Variants in GDAP1 observed in about 807,000 individuals in gnomAD.
The protein encoded by GDAP1 is ganglioside-induced differentiation-associated protein 1.
In GDAP1, 34 loss-of-function variants were observed where a neutral mutation model predicts 40.1. The ratio of observed to expected loss-of-function variants is 0.85; its 90% CI spans 0.64 to 1.13. The LOEUF (loss-of-function observed/expected upper bound fraction) is 1.13, where lower values mean the gene tolerates loss of function less well. GDAP1 is among the 50% of genes most tolerant of loss of function. The probability of loss-of-function intolerance (pLI) is 0.00; values close to 1 mark genes in which losing one functional copy is unlikely to be tolerated. For missense variants in GDAP1, 374 were observed against 433.7 expected, an observed-to-expected ratio of 0.86 and a Z score of 1.22; for synonymous variants, 170 against 157.4, an observed-to-expected ratio of 1.08 and a Z score of -0.60.
chr8:74,432,313 A>G (rs1399022167), intron 2 of GDAP1, among the ~76,000 whole-genome samples: 2 of 152,138 alleles, frequency 1.3e-5, no homozygotes, highest in Admixed American at 6.5e-5. Flanking sequence ...AGCTAGTTTG[A>G]GATGTATTTC....
At position 74,404,955 on chromosome 8, in the gene GDAP1, T is replaced by C. The variant is rs921896831; in HGVS notation, c.165+53634T>C. Reference sequence around the variant, plus strand: ...TATCCTCCTGTATACTTCAAATTCCTTCTAGATTACTTATAATACCTAATA... The same window carrying C: ...TATCCTCCTGTATACTTCAAATTCCCTCTAGATTACTTATAATACCTAATA... On this transcript the variant is annotated intron_variant, in intron 2 of 2. Transcript: ENST00000523640. 6.0e-5 allele frequency among the ~76,000 whole-genome samples: 9 copies of C among 150,094 alleles called. 1 individual carries two copies. The highest frequency in any genetic ancestry group is 1.0e-4 in the Non-Finnish European group (7 of 68,044).
At chr8:74,373,765 T>G (rs1454805103) in intron 2 of GDAP1, among the ~76,000 whole-genome samples, 3 of 152,208 alleles carry the variant, frequency 2.0e-5, no homozygotes, top group African/African-American at 7.2e-5. Flanking sequence ...TCCTGCCTGA[T>G]TGCCCTGGCC....
At chr8:74,436,420 CTTT>C (rs11337545) in intron 2 of GDAP1, among the ~76,000 whole-genome samples, 4 of 110,324 alleles carry the variant, frequency 3.6e-5, no homozygotes, top group Admixed American at 9.6e-5. Flanking sequence ...CCATCCCTTC[CTTT>C]TTTTTTTTTT....
At chr8:74,481,412 T>G (rs771367999) in intron 2 of GDAP1, among the ~76,000 whole-genome samples, 19 of 152,238 alleles carry the variant, frequency 1.2e-4, no homozygotes, top group Non-Finnish European at 2.4e-4. Context: ...ATTGTAGTCC[T>G]AAAGTCTGTT....
chr8:74,461,879 G>A (rs1358322338), intron 2 of GDAP1, among the ~76,000 whole-genome samples: 1 of 152,172 alleles, frequency 6.6e-6, no homozygotes, highest in Non-Finnish European at 1.5e-5. Flanking sequence ...ATAAAGCACT[G>A]AAAGATTTGA....
chr8:74,422,348 T>C (rs1018329379), intron 2 of GDAP1, among the ~76,000 whole-genome samples: 1,429 of 37,004 alleles, frequency 0.039, 36 homozygotes, highest in African/African-American at 0.11. Context: ...TTTCTTTCTT[T>C]CTTCCCTTCC....
chr8:74,485,125 G>T (rs1806760465), intron 2 of GDAP1, among the ~76,000 whole-genome samples: 1 of 152,004 alleles, frequency 6.6e-6, no homozygotes, highest in Admixed American at 6.6e-5. Flanking sequence ...TTTCCTTTGG[G>T]TTCCACAGCT....
chr8:74,389,112 A>G (rs1487454166), intron 2 of GDAP1, among the ~76,000 whole-genome samples: 1 of 151,928 alleles, frequency 6.6e-6, no homozygotes, highest in Non-Finnish European at 1.5e-5. Context: ...CAGCACACTG[A>G]TGGGTCTTGA....
At chr8:74,428,856 C>T in intron 2 of GDAP1, among the ~76,000 whole-genome samples, 1 of 140,920 alleles carries the variant, frequency 7.1e-6, no homozygotes, top group African/African-American at 2.7e-5. Context: ...AATGCTATCC[C>T]TCCCCGCCTC....
intron 2 of GDAP1, among the ~76,000 whole-genome samples, chr8:74,470,332 C>G (rs565241039): frequency 1.3e-5 from 2 of 152,238 alleles, no homozygotes; most frequent in Non-Finnish European, 2.9e-5. Context: ...ATACATGTGC[C>G]ATGTTGGTGT....
At position 74,416,922 on chromosome 8, in the gene GDAP1, G is replaced by GT. The variant is rs1379292544; in HGVS notation, c.165+65607dup. ...GAAAAGTTTTTTTTTTTGTTTTTTT[G>GT]TTTTTTGTTTTTTTTTTTTTTAACA... On this transcript the variant is annotated intron_variant, in intron 2 of 2. Transcript: ENST00000523640. Among the ~76,000 whole-genome samples, 335 of 102,156 alleles carry GT rather than the reference G, an allele frequency of 3.3e-3. 6 individuals are homozygous for GT. The highest frequency in any genetic ancestry group is 7.7e-3 in the Admixed American group (69 of 8,912). 67.0% of individuals were successfully genotyped at this position (102,156 alleles called of 152,430 possible). A position where few individuals can be genotyped will look rare whatever the true frequency, so the allele number is the denominator to read the frequency against.
rs1230882974 is a variant in GDAP1 at position 74,366,358 on chromosome 8, CAA to C, written c.*1993_*1994del. 8 of 454,236 alleles carry C rather than the reference CAA, an allele frequency of 1.8e-5. No homozygotes were observed. The East Asian group carries it at 5.6e-4, about 32-fold the overall frequency. 28.1% of individuals were successfully genotyped at this position (454,236 alleles called of 1,614,324 possible). A position where few individuals can be genotyped will look rare whatever the true frequency, so the allele number is the denominator to read the frequency against. ...AGCAACTCTTCTAAAATGTTTCAAG[CAA>C]AGATAGTAATGACCTCAGTTTCTGA... On this transcript the variant is annotated 3_prime_UTR_variant, in exon 6 of 6. Coordinates refer to ENST00000220822, the MANE Select transcript of GDAP1 (RefSeq NM_018972.4).
At chr8:74,471,908 T>C (rs1806561724) in intron 2 of GDAP1, among the ~76,000 whole-genome samples, 1 of 152,190 alleles carries the variant, frequency 6.6e-6, no homozygotes, top group Admixed American at 6.6e-5. Context: ...GTTATAGAGG[T>C]TGTCCATTCA....
Position 74,390,533 on chromosome 8 carries a change from C to A in GDAP1, c.165+39212C>A, listed in dbSNP as rs1197644333. On this transcript the variant is annotated intron_variant, in intron 2 of 2. Coordinates refer to the GDAP1 transcript ENST00000523640. The stretch of plus-strand genomic sequence containing the variant: ...AGGCTGCAGAACAGCAAAGATTGCT[C>A]CCTATTCCTTTTTGTAGAAGCTTCG... Among the ~76,000 whole-genome samples the A allele has an allele frequency of 2.6e-5, 4 of 152,276 alleles. No homozygotes were observed. The East Asian group carries it at 7.7e-4, about 29-fold the overall frequency.
chr8:74,391,627 C>T (rs754475035), intron 2 of GDAP1, among the ~76,000 whole-genome samples: 3 of 151,964 alleles, frequency 2.0e-5, no homozygotes, highest in Non-Finnish European at 4.4e-5. Flanking sequence ...TACTATTCGG[C>T]CATCTTGCCA....
At chr8:74,469,867 G>T (rs199933885) in intron 2 of GDAP1, among the ~76,000 whole-genome samples, 1 of 151,744 alleles carries the variant, frequency 6.6e-6, no homozygotes, top group Non-Finnish European at 1.5e-5. Flanking sequence ...CCAGCTACTC[G>T]GGAGGCTGAG....
At position 74,401,141 on chromosome 8, in the gene GDAP1, A is replaced by G. The variant is rs200351482; in HGVS notation, c.165+49820A>G. On this transcript the variant is annotated intron_variant, in intron 2 of 2. Transcript: ENST00000523640. The stretch of plus-strand genomic sequence containing the variant: ...GAAGTTCTCCTGGATAATATCCTGC[A>G]GAGTGTTTTCCAACTTGGTTCCATT... Among the ~76,000 whole-genome samples the G allele has an allele frequency of 6.9e-3, 934 of 134,686 alleles. 1 individual carries two copies. The highest frequency in any genetic ancestry group is 8.0e-3 in the Admixed American group (110 of 13,690). The allele number at this position is 134,686 out of a possible 152,430, so 88.4% of individuals were successfully genotyped here.
intron 2 of GDAP1, among the ~76,000 whole-genome samples, chr8:74,442,293 G>A (rs1052025848): frequency 5.3e-5 from 8 of 152,172 alleles, no homozygotes; most frequent in Non-Finnish European, 1.0e-4. Flanking sequence ...CTTCCCAGAG[G>A]ATCCGGTACC....
intron 2 of GDAP1, among the ~76,000 whole-genome samples, chr8:74,440,245 G>A (rs528671587): frequency 2.6e-5 from 4 of 152,224 alleles, no homozygotes; most frequent in African/African-American, 9.6e-5. Flanking sequence ...AAGTCTGGAG[G>A]ATTCCTTAGC....
Sources: allele counts gnomAD v4.1 joint callset (sites outside exome capture counted in the v4.1 genomes callset), GRCh38; gene constraint gnomAD v4.1.1; transcripts MANE v1.5; gene names NCBI Gene and HGNC (gene_info 2026-07-23, HGNC 2026-07-21).